IARS1: variants seen among roughly 807,000 people sequenced by gnomAD.
The protein encoded by IARS1 is isoleucine--tRNA ligase, cytoplasmic.
IARS1 carries 124 observed loss-of-function variants against 168.2 expected under a neutral mutation model. The ratio of observed to expected loss-of-function variants is 0.74; its 90% confidence interval spans 0.64 to 0.86. The LOEUF (loss-of-function observed/expected upper bound fraction) is 0.86. Ranked by LOEUF, IARS1 falls within the 40% of genes least tolerant of loss-of-function variation. The pLI is 0.00. For missense variants in IARS1, 1,452 were observed against 1,515.8 expected (o/e 0.96, Z 0.70); for synonymous variants, 532 against 529.4 (o/e 1.00, Z -0.07).
rs570963018 is a variant in IARS1 at position 92,260,463 on chromosome 9, C to T, written c.1788-229G>A. Among the ~76,000 whole-genome samples the T allele has an allele frequency of 4.2e-3, 641 of 152,116 alleles. 3 individuals are homozygous for T. Among genetic ancestry groups the T allele is most frequent in the Non-Finnish European group, 7.7e-3 (526 of 67,990 alleles). ...CTGAGGTCAGGAGTTCAAGACCAGC[C>T]TGGCCAAAATGGTGAAACCTGTTTC... On this transcript the variant is annotated intron_variant, in intron 17 of 33. Coordinates refer to ENST00000443024, the MANE Select transcript of IARS1 (RefSeq NM_002161.6).
At chr9:92,262,945 G>T (rs371274191) in intron 17 of IARS1, 24 bp downstream of exon 17, 1 of 1,559,414 alleles carries the variant, frequency 6.4e-7, no homozygotes, top group Admixed American at 1.7e-5. Context: ...AGTTCCACCC[G>T]TCACTACAAC....
intron 15 of IARS1, 142 bp downstream of exon 15, chr9:92,265,338 C>A (rs1262532790): frequency 1.2e-6 from 1 of 840,114 alleles, no homozygotes; most frequent in Non-Finnish European, 1.9e-6. Context: ...ACAGAGGCCA[C>A]AATACTGCAA....
intron 1 of IARS1, among the ~76,000 whole-genome samples, chr9:92,291,874 C>T (rs1484645305): frequency 3.3e-5 from 5 of 152,176 alleles, no homozygotes; most frequent in African/African-American, 1.2e-4. Context: ...TGCATTTTAA[C>T]AAGATCCCTA....
intron 10 of IARS1, among the ~76,000 whole-genome samples, chr9:92,273,966 T>C (rs900485253): frequency 9.2e-5 from 14 of 152,286 alleles, no homozygotes; most frequent in Non-Finnish European, 1.5e-4. Context: ...CTGTAAAGCA[T>C]GTGCCTTTAT....
chr9:92,242,048 T>G, intron 29 of IARS1, 106 bp downstream of exon 29: 1 of 830,056 alleles, frequency 1.2e-6, no homozygotes, highest in Non-Finnish European at 2.0e-6. Context: ...CAAGACAGAG[T>G]GCTGTGCCGA....
Position 92,240,893 on chromosome 9 carries a change from A to G in IARS1, c.3246T>C (p.Tyr1082=), listed in dbSNP as rs748680208. 3 of 1,613,484 alleles carry G rather than the reference A, an allele frequency of 1.9e-6. No homozygotes were observed. The highest frequency in any genetic ancestry group is 1.1e-5 in the South Asian group (1 of 91,058). The stretch of plus-strand genomic sequence containing the variant: ...CATTTGCACAAATGTTAAGATTGAC[A>G]TATGCACAAGCAGGACCAGGAAGGG... The part of the protein sequence containing the change: ...GSSLPGPACA[Y]VNLNICANGS... Residue 1082 remains tyrosine (Y), a synonymous_variant, in exon 30 of 34, where the codon TAT becomes TAC. Coordinates refer to ENST00000443024, the MANE Select transcript of IARS1 (RefSeq NM_002161.6).
Position 92,265,081 on chromosome 9 carries a change from G to C in IARS1, c.1548C>G (p.Ser516=). 1 of 1,614,028 alleles carries C rather than the reference G, an allele frequency of 6.2e-7. No individual in the cohort carries two copies. Among genetic ancestry groups the C allele is most frequent in the Non-Finnish European group, 8.5e-7 (1 of 1,179,980 alleles). ...CAAACACTTCAGAGATGCGGTGCAA[G>C]GATCCCTTCCCACAGCGTGAAGGAA... ...LTIPSRCGKG[S]LHRISEVFDC... The change falls in exon 16 of 34, where the codon TCC becomes TCG. Residue 516 remains serine, a synonymous_variant. Coordinates refer to ENST00000443024, the MANE Select transcript of IARS1 (RefSeq NM_002161.6).
At chr9:92,265,247 G>T (rs1224203850) in intron 15 of IARS1, 124 bp from the exon 16 acceptor site, 4 of 919,092 alleles carry the variant, frequency 4.4e-6, no homozygotes, top group Non-Finnish European at 6.5e-6. Context: ...AGAAATATCA[G>T]CAATTCTCAA....
intron 30 of IARS1, chr9:92,240,524 T>A: frequency 1.6e-6 from 1 of 607,084 alleles, no homozygotes; most frequent in East Asian, 2.8e-5. Flanking sequence ...CCTTCCAAAG[T>A]GCTGGGATTA....
intron 1 of IARS1, among the ~76,000 whole-genome samples, chr9:92,293,271 T>C (rs187758338): frequency 1.3e-5 from 2 of 152,290 alleles, no homozygotes; most frequent in East Asian, 1.9e-4. Flanking sequence ...TAAATATTCA[T>C]GGTGACTGAA....
chr9:92,246,016 T>C (rs918766122), intron 26 of IARS1, among the ~76,000 whole-genome samples: 1 of 152,176 alleles, frequency 6.6e-6, no homozygotes, highest in African/African-American at 2.4e-5. Context: ...GATTTCGTGA[T>C]CTGCCCGCCT....
intron 30 of IARS1, among the ~76,000 whole-genome samples, chr9:92,236,109 A>C (rs1587746534): frequency 6.6e-6 from 1 of 151,670 alleles, no homozygotes; most frequent in East Asian, 2.0e-4. Context: ...CAGCCTCCCG[A>C]GTAGGCTGAG....
At chr9:92,254,871 A>G (rs756092068) in intron 20 of IARS1, among the ~76,000 whole-genome samples, 5 of 152,180 alleles carry the variant, frequency 3.3e-5, no homozygotes, top group Non-Finnish European at 7.3e-5. Context: ...CACGGCCCAC[A>G]AAACGTGGCT....
intron 25 of IARS1, among the ~76,000 whole-genome samples, chr9:92,249,037 T>C (rs908684076): frequency 3.3e-5 from 5 of 152,208 alleles, no homozygotes; most frequent in Non-Finnish European, 7.3e-5. Context: ...CACTGATATA[T>C]GCATATATGT....
At chr9:92,260,568 T>C (rs1321906640) in intron 17 of IARS1, among the ~76,000 whole-genome samples, 6 of 152,058 alleles carry the variant, frequency 3.9e-5, no homozygotes, top group African/African-American at 1.4e-4. Flanking sequence ...GGCAGGAGAA[T>C]TGCCTGAACC....
At chr9:92,222,856 G>A (rs181021952) in intron 32 of IARS1, among the ~76,000 whole-genome samples, 184 bp from the exon 33 acceptor site, 56 of 152,030 alleles carry the variant, frequency 3.7e-4, no homozygotes, top group African/African-American at 1.4e-3. Context: ...TAGAGGTGAA[G>A]GGGAAGGGGA....
chr9:92,222,719 C>A, intron 32 of IARS1, 47 bp from the exon 33 acceptor site: 1 of 1,605,020 alleles, frequency 6.2e-7, no homozygotes, highest in African/African-American at 1.3e-5. Context: ...AGTTCACCCT[C>A]TAGCTCCAAA....
At chr9:92,270,895 A>G (rs756199556) in intron 12 of IARS1, 90 bp downstream of exon 12, 28 of 815,280 alleles carry the variant, frequency 3.4e-5, no homozygotes, top group Non-Finnish European at 4.3e-5. Context: ...AGTGAGATGA[A>G]CACCACAAAT....
Position 92,277,679 on chromosome 9 carries a change from A to ATTTT in IARS1, c.894+183_894+184insAAAA, listed in dbSNP as rs1318874898. Among the ~76,000 whole-genome samples, 7 of 151,988 alleles carry ATTTT rather than the reference A, an allele frequency of 4.6e-5. No individual in the cohort carries two copies. The East Asian group carries it at 5.8e-4, about 13-fold the overall frequency. ...GACAGAGGAAACCCTGTTTTTAAAA[A>ATTTT]AAAAAAAAAAAATCCTCTAAGACAA... On this transcript the variant is annotated intron_variant, in intron 9 of 33. Coordinates refer to ENST00000443024, the MANE Select transcript of IARS1 (RefSeq NM_002161.6).
Sources: gnomAD v4.1 joint callset for allele counts (sites outside exome capture counted in the v4.1 genomes callset) on GRCh38, gnomAD v4.1.1 for gene constraint, MANE v1.5 for transcripts, NCBI Gene and HGNC (gene_info 2026-07-23, HGNC 2026-07-21) for gene names.